Variants in SAMD12 observed in about 807,000 individuals in gnomAD.
SAMD12 encodes the protein sterile alpha motif domain-containing protein 12.
In SAMD12, 9 loss-of-function variants were observed where a neutral mutation model predicts 15.0. The ratio of observed to expected loss-of-function variants is 0.60; its 90% confidence interval spans 0.36 to 1.05. The LOEUF (loss-of-function observed/expected upper bound fraction) is 1.05. Among genes scored for constraint, SAMD12 ranks in the 50% least tolerant of loss-of-function variants. The probability of loss-of-function intolerance (pLI) is 0.01; values close to 1 mark genes in which losing one functional copy is unlikely to be tolerated. For synonymous variants in SAMD12, 86 were observed against 90.1 expected, an observed-to-expected ratio of 0.96 and a Z score of 0.25; for missense variants, 230 against 234.2, an observed-to-expected ratio of 0.98 and a Z score of 0.12.
At chr8:118,270,395 C>T (rs186436592) in intron 4 of SAMD12, among the ~76,000 whole-genome samples, 20 of 152,152 alleles carry the variant, frequency 1.3e-4, no homozygotes, top group East Asian at 1.2e-3. Flanking sequence ...AAGAAGTAGC[C>T]GAGTCCTCTT....
At chr8:118,424,561 A>G (rs1822160000) in intron 3 of SAMD12, among the ~76,000 whole-genome samples, 1 of 152,188 alleles carries the variant, frequency 6.6e-6, no homozygotes, top group African/African-American at 2.4e-5. Context: ...CTAAACATTT[A>G]AGAGTAACAT....
At chr8:118,550,963 C>A (rs907076433) in intron 2 of SAMD12, among the ~76,000 whole-genome samples, 94 of 151,322 alleles carry the variant, frequency 6.2e-4, no homozygotes, top group Admixed American at 1.6e-3. Context: ...GGGATCAATT[C>A]AACAAGAAGA....
chr8:118,332,969 T>A (rs1232751303), intron 4 of SAMD12, among the ~76,000 whole-genome samples: 1 of 152,166 alleles, frequency 6.6e-6, no homozygotes, highest in East Asian at 1.9e-4. Context: ...TAATTTGTCT[T>A]CCCGAGGAAA....
intron 3 of SAMD12, among the ~76,000 whole-genome samples, chr8:118,392,848 T>TA (rs75315272): frequency 0.18 from 27,074 of 151,976 alleles, 2,674 homozygotes; most frequent in South Asian, 0.25. Context: ...TCCCTACCCC[T>TA]ACTTGTGTTA....
At chr8:118,526,402 C>T (rs1027570229) in intron 2 of SAMD12, among the ~76,000 whole-genome samples, 2 of 152,086 alleles carry the variant, frequency 1.3e-5, no homozygotes, top group Non-Finnish European at 2.9e-5. Flanking sequence ...ACCTGTTGTA[C>T]AATTGCAGAG....
chr8:118,441,678 A>T lies in SAMD12; in HGVS notation c.193-1717T>A, dbSNP rs1251476842. Among the ~76,000 whole-genome samples, 3 of 152,124 alleles carry T rather than the reference A, an allele frequency of 2.0e-5. No individual in the cohort carries two copies. The East Asian group carries it at 5.8e-4, about 29-fold the overall frequency. ...TACATATGTATCTGCTTTTCATTCA[A>T]TGGGACTGACATTTCTTCCACTAAT... On this transcript the variant is annotated intron_variant, in intron 2 of 3. Transcript: ENST00000314727.
chr8:118,323,107 A>C (rs1335591025), intron 4 of SAMD12, among the ~76,000 whole-genome samples: 1 of 152,170 alleles, frequency 6.6e-6, no homozygotes, highest in Non-Finnish European at 1.5e-5. Flanking sequence ...GGCACATTAG[A>C]GATGGTAGAG....
At chr8:118,226,689 T>C (rs1330472784) in intron 4 of SAMD12, among the ~76,000 whole-genome samples, 2 of 152,152 alleles carry the variant, frequency 1.3e-5, no homozygotes, top group African/African-American at 4.8e-5. Flanking sequence ...GAGGAGGTAG[T>C]ATTGTAAAGA....
chr8:118,278,177 G>A (rs1375667875), intron 4 of SAMD12, among the ~76,000 whole-genome samples: 3 of 152,162 alleles, frequency 2.0e-5, no homozygotes, highest in African/African-American at 7.2e-5. Flanking sequence ...AAACCTGTGA[G>A]AGTAATTAAG....
intron 1 of SAMD12, among the ~76,000 whole-genome samples, chr8:118,600,786 CT>C (rs371897277): frequency 0.016 from 2,410 of 147,946 alleles, 24 homozygotes; most frequent in Middle Eastern, 0.038. Context: ...GCCATTTGTG[CT>C]TTTTTTTTTA....
intron 1 of SAMD12, among the ~76,000 whole-genome samples, chr8:118,584,346 C>G (rs1827374703): frequency 6.6e-6 from 1 of 152,208 alleles, no homozygotes; most frequent in South Asian, 2.1e-4. Flanking sequence ...GCATGACCTC[C>G]ATCTCTTTGC....
chr8:118,183,622 T>A, the SAMD12 span, among the ~76,000 whole-genome samples: 1 of 152,206 alleles, frequency 6.6e-6, no homozygotes, highest in Admixed American at 6.5e-5. Flanking sequence ...TGAATCCCTT[T>A]AAGCCTTAAT....
intron 1 of SAMD12, among the ~76,000 whole-genome samples, chr8:118,584,169 C>T (rs1201786314): frequency 6.6e-6 from 1 of 152,174 alleles, no homozygotes; most frequent in African/African-American, 2.4e-5. Flanking sequence ...TTTAATCCTC[C>T]ATAGCTGTTC....
At chr8:118,262,660 C>G (rs1414297719) in intron 4 of SAMD12, among the ~76,000 whole-genome samples, 2 of 152,056 alleles carry the variant, frequency 1.3e-5, no homozygotes, top group African/African-American at 4.8e-5. Context: ...ATAATCACAA[C>G]TGAACAGAAG....
At chr8:118,148,924 A>G in the SAMD12 span, among the ~76,000 whole-genome samples, 6 of 152,182 alleles carry the variant, frequency 3.9e-5, no homozygotes, top group Non-Finnish European at 8.8e-5. Context: ...TTGCTTATCC[A>G]TTCACCAGTT....
chr8:118,424,852 A>T (rs577122024), intron 3 of SAMD12, among the ~76,000 whole-genome samples: 1 of 152,214 alleles, frequency 6.6e-6, no homozygotes, highest in African/African-American at 2.4e-5. Flanking sequence ...TGCCTCTAAT[A>T]GGTCTAATTT....
chr8:118,228,950 C>A (rs1377506567), intron 4 of SAMD12, among the ~76,000 whole-genome samples: 1 of 152,172 alleles, frequency 6.6e-6, no homozygotes. Flanking sequence ...TGGAATACTA[C>A]TCTGCCATAA....
chr8:118,380,641 T>G (rs1819623839), intron 3 of SAMD12, among the ~76,000 whole-genome samples: 1 of 152,216 alleles, frequency 6.6e-6, no homozygotes, highest in Admixed American at 6.5e-5. Flanking sequence ...CCGACATTCC[T>G]ACTCATCACA....
chr8:118,301,318 A>G (rs973751834), intron 4 of SAMD12, among the ~76,000 whole-genome samples: 4 of 152,212 alleles, frequency 2.6e-5, no homozygotes, highest in African/African-American at 9.6e-5. Context: ...AATGTGAAGG[A>G]AAAATTCAAA....
Sources: gnomAD v4.1 joint callset for allele counts (sites outside exome capture counted in the v4.1 genomes callset) on GRCh38, gnomAD v4.1.1 for gene constraint, MANE v1.5 for transcripts, NCBI Gene and HGNC (gene_info 2026-07-23, HGNC 2026-07-21) for gene names.